Variants in HPSE2 observed in about 807,000 individuals in gnomAD.
HPSE2 encodes the protein inactive heparanase-2.
HPSE2 carries 38 observed loss-of-function variants against 60.5 expected under a neutral mutation model. The ratio of observed to expected loss-of-function variants is 0.63; its 90% confidence interval spans 0.48 to 0.82. The LOEUF (loss-of-function observed/expected upper bound fraction) is 0.82. HPSE2 is among the 40% of genes least tolerant of loss of function. The pLI, the probability that HPSE2 is intolerant of heterozygous loss-of-function variation, is 0.00. For missense variants in HPSE2, 713 were observed against 740.4 expected (o/e 0.96, Z 0.43); for synonymous variants, 295 against 293.2 (o/e 1.01, Z -0.06).
intron 2 of HPSE2, among the ~76,000 whole-genome samples, chr10:99,167,975 G>C (rs1023837808): frequency 2.0e-5 from 3 of 151,002 alleles, no homozygotes; most frequent in African/African-American, 7.3e-5. Context: ...CATTTTATTA[G>C]ATTAGTTAGG....
chr10:98,749,776 C>T (rs1014302375), intron 3 of HPSE2, among the ~76,000 whole-genome samples: 8 of 150,594 alleles, frequency 5.3e-5, no homozygotes, highest in Admixed American at 3.3e-4. Flanking sequence ...AAGGTAGGCC[C>T]GGCTAAGCTA....
Position 98,920,159 on chromosome 10 carries a change from C to A in HPSE2, c.611-176103G>T, listed in dbSNP as rs181374258. Among the ~76,000 whole-genome samples the A allele has an allele frequency of 1.5e-4, 23 of 152,306 alleles. No homozygotes were observed. In the East Asian group the frequency reaches 4.4e-3, roughly 29 times the overall value. ...ACTAAGCACAGAAGGCACAGTCAAG[C>A]TAAGCCATCCTTTCCCTGTAATGTG... On this transcript the variant is annotated intron_variant, in intron 3 of 11. Transcript: ENST00000370552.
At chr10:98,998,553 G>T (rs1956701297) in intron 3 of HPSE2, among the ~76,000 whole-genome samples, 1 of 152,154 alleles carries the variant, frequency 6.6e-6, no homozygotes, top group Non-Finnish European at 1.5e-5. Flanking sequence ...TGGAAACGTA[G>T]GTTCTCCTTC....
At chr10:98,586,245 C>T (rs1944937423) in intron 9 of HPSE2, among the ~76,000 whole-genome samples, 1 of 152,174 alleles carries the variant, frequency 6.6e-6, no homozygotes, top group Non-Finnish European at 1.5e-5. Flanking sequence ...TTTGCAGATG[C>T]ATCGTATTTT....
chr10:99,111,033 G>GAT (rs1844437481), intron 3 of HPSE2, among the ~76,000 whole-genome samples: 1 of 152,046 alleles, frequency 6.6e-6, no homozygotes, highest in African/African-American at 2.4e-5. Flanking sequence ...TGTGTATCTA[G>GAT]ATAGCCAGTT....
At chr10:98,760,323 A>G in intron 3 of HPSE2, among the ~76,000 whole-genome samples, 1 of 152,048 alleles carries the variant, frequency 6.6e-6, no homozygotes, top group East Asian at 1.9e-4. Flanking sequence ...TCTGGGTAGG[A>G]CTTCTAGTAC....
At chr10:98,964,601 C>T (rs986283466) in intron 3 of HPSE2, among the ~76,000 whole-genome samples, 1 of 152,080 alleles carries the variant, frequency 6.6e-6, no homozygotes, top group Non-Finnish European at 1.5e-5. Context: ...CTCCTTCACT[C>T]TAGATGTTAG....
the HPSE2 span, among the ~76,000 whole-genome samples, chr10:99,282,459 A>G: frequency 6.6e-6 from 1 of 152,184 alleles, no homozygotes; most frequent in African/African-American, 2.4e-5. Flanking sequence ...TCAATAATAG[A>G]ACAACCAAAT....
At chr10:98,979,474 A>G (rs1195291592) in intron 3 of HPSE2, among the ~76,000 whole-genome samples, 1 of 152,194 alleles carries the variant, frequency 6.6e-6, no homozygotes, top group Admixed American at 6.6e-5. Flanking sequence ...TTATAGTCAC[A>G]TTACTCAAGG....
chr10:98,630,681 A>T (rs1463517201), intron 7 of HPSE2, among the ~76,000 whole-genome samples: 1 of 151,784 alleles, frequency 6.6e-6, no homozygotes, highest in Non-Finnish European at 1.5e-5. Flanking sequence ...CCTTGACCTT[A>T]TTATACTGAA....
intron 4 of HPSE2, among the ~76,000 whole-genome samples, chr10:98,734,989 A>G (rs1023108176): frequency 4.4e-5 from 2 of 45,968 alleles, no homozygotes; most frequent in Non-Finnish European, 1.1e-4. Flanking sequence ...ATAAACTAAT[A>G]TTGACACATC....
intron 9 of HPSE2, among the ~76,000 whole-genome samples, chr10:98,547,740 G>A (rs984663444): frequency 4.0e-5 from 6 of 151,024 alleles, no homozygotes; most frequent in African/African-American, 9.7e-5. Context: ...CACCAGCATG[G>A]CACATGTATA....
intron 3 of HPSE2, among the ~76,000 whole-genome samples, chr10:99,122,373 G>A (rs543979709): frequency 6.6e-5 from 10 of 151,672 alleles, no homozygotes; most frequent in East Asian, 3.9e-4. Flanking sequence ...GAAAATAATC[G>A]GTAAAAATTT....
At chr10:98,724,564 G>T (rs1219219480) in intron 4 of HPSE2, among the ~76,000 whole-genome samples, 1 of 152,132 alleles carries the variant, frequency 6.6e-6, no homozygotes, top group Non-Finnish European at 1.5e-5. Context: ...TTGACAGTGG[G>T]TTGTTAAAGT....
chr10:98,856,358 T>G (rs1165550125), intron 3 of HPSE2, among the ~76,000 whole-genome samples: 1 of 152,150 alleles, frequency 6.6e-6, no homozygotes, highest in Non-Finnish European at 1.5e-5. Flanking sequence ...GGTGACTGAA[T>G]AAGCGGATTC....
At chr10:98,927,000 T>G (rs1317250376) in intron 3 of HPSE2, among the ~76,000 whole-genome samples, 2 of 152,184 alleles carry the variant, frequency 1.3e-5, no homozygotes, top group African/African-American at 4.8e-5. Context: ...TCTGTTCTTT[T>G]ACATTTGCTG....
intron 10 of HPSE2, among the ~76,000 whole-genome samples, chr10:98,484,965 G>A (rs1227359919): frequency 2.0e-5 from 3 of 152,146 alleles, no homozygotes; most frequent in Non-Finnish European, 4.4e-5. Context: ...CACCTTCAAA[G>A]GAGGAGTTCA....
intron 3 of HPSE2, among the ~76,000 whole-genome samples, chr10:98,822,675 G>A (rs936511681): frequency 6.6e-5 from 10 of 152,086 alleles, no homozygotes; most frequent in African/African-American, 2.2e-4. Context: ...CTGAAAAAGA[G>A]GCCAACTTTA....
chr10:98,983,852 G>A lies in HPSE2; in HGVS notation c.610+160386C>T, dbSNP rs573874624. Reference sequence around the variant, plus strand: ...GGCACACTGGGAGATTATATCCTGCGCCTGGCTCGGAGGGACCTACGCCCA... The same window carrying A: ...GGCACACTGGGAGATTATATCCTGCACCTGGCTCGGAGGGACCTACGCCCA... On this transcript the variant is annotated intron_variant, in intron 3 of 11. Transcript: ENST00000370552. 3.0e-4 allele frequency among the ~76,000 whole-genome samples: 46 copies of A among 152,260 alleles called. No individual in the cohort carries two copies. The East Asian group carries it at 5.6e-3, about 19-fold the overall frequency.
Sources: gnomAD v4.1 joint callset for allele counts (sites outside exome capture counted in the v4.1 genomes callset) on GRCh38, gnomAD v4.1.1 for gene constraint, MANE v1.5 for transcripts, NCBI Gene and HGNC (gene_info 2026-07-23, HGNC 2026-07-21) for gene names.